Variants in C1QTNF7 observed in about 807,000 individuals in gnomAD.
C1QTNF7 encodes C1q and TNF related 7.
C1QTNF7 carries 15 observed loss-of-function variants against 19.6 expected under a neutral mutation model. That is an observed-to-expected ratio of 0.76 (90% CI 0.51 to 1.18). The LOEUF (loss-of-function observed/expected upper bound fraction) is 1.18, where lower values mean the gene tolerates loss of function less well. C1QTNF7 is among the 50% of genes most tolerant of loss of function. C1QTNF7 has a pLI of 0.00. For missense variants in C1QTNF7, 324 were observed against 359.7 expected (o/e 0.90, Z 0.80); for synonymous variants, 142 against 137.5 (o/e 1.03, Z -0.23).
chr4:15,438,920 T>C (rs1712640034), intron 2 of C1QTNF7, among the ~76,000 whole-genome samples: 1 of 152,186 alleles, frequency 6.6e-6, no homozygotes, highest in African/African-American at 2.4e-5. Flanking sequence ...TATGTATGCA[T>C]AGATCCACGG....
chr4:15,436,059 C>G, intron 2 of C1QTNF7, 78 bp downstream of exon 2: 1 of 1,532,824 alleles, frequency 6.5e-7, no homozygotes, highest in Non-Finnish European at 8.7e-7. Flanking sequence ...GTTACTTTTT[C>G]TAATGGGAAT....
chr4:15,345,871 G>T (rs1238894668), intron 1 of C1QTNF7, among the ~76,000 whole-genome samples: 1 of 152,130 alleles, frequency 6.6e-6, no homozygotes, highest in African/African-American at 2.4e-5. Context: ...CTATTGTTTA[G>T]ATGAGGAGAG....
chr4:15,383,744 T>G (rs1469627242), intron 1 of C1QTNF7, among the ~76,000 whole-genome samples: 1 of 152,186 alleles, frequency 6.6e-6, no homozygotes, highest in African/African-American at 2.4e-5. Flanking sequence ...TGTAGTATCT[T>G]TGGAAAGGGC....
At chr4:15,429,127 A>G (rs1364805431) in intron 1 of C1QTNF7, among the ~76,000 whole-genome samples, 1 of 152,222 alleles carries the variant, frequency 6.6e-6, no homozygotes, top group Non-Finnish European at 1.5e-5. Context: ...GTGTGAGGAT[A>G]AAGTAAAAGA....
intron 1 of C1QTNF7, among the ~76,000 whole-genome samples, chr4:15,386,397 G>A (rs1488154896): frequency 6.6e-6 from 1 of 152,064 alleles, no homozygotes; most frequent in African/African-American, 2.4e-5. Flanking sequence ...GTCCCTAATA[G>A]GCACCAGACA....
chr4:15,423,369 T>C (rs936321027), upstream of C1QTNF7, among the ~76,000 whole-genome samples: 6 of 152,166 alleles, frequency 3.9e-5, no homozygotes, highest in African/African-American at 7.2e-5. Flanking sequence ...CACACAGGGG[T>C]CAATGACATT....
intron 1 of C1QTNF7, chr4:15,420,137 C>G (rs1577272074): frequency 6.6e-6 from 1 of 152,522 alleles, no homozygotes; most frequent in Middle Eastern, 3.4e-3. Context: ...GGGCTCCACC[C>G]CCCATCCTTC....
chr4:15,339,794 C>A (rs1716476957), upstream of C1QTNF7: 1 of 231,720 alleles, frequency 4.3e-6, no homozygotes, highest in Non-Finnish European at 8.4e-6. Flanking sequence ...TCCTGCTTTT[C>A]ATTTGCCTCA....
intron 1 of C1QTNF7, among the ~76,000 whole-genome samples, chr4:15,394,089 A>G (rs962817597): frequency 6.6e-6 from 1 of 152,220 alleles, no homozygotes; most frequent in African/African-American, 2.4e-5. Flanking sequence ...TGAGTGAGAG[A>G]ATGAGCCTGT....
intron 1 of C1QTNF7, among the ~76,000 whole-genome samples, chr4:15,394,747 G>C (rs568658097): frequency 6.6e-6 from 1 of 152,196 alleles, no homozygotes; most frequent in South Asian, 2.1e-4. Context: ...TCACATTTTG[G>C]GGATCACAGG....
intron 1 of C1QTNF7, among the ~76,000 whole-genome samples, chr4:15,382,137 T>A (rs949238541): frequency 6.6e-6 from 1 of 152,192 alleles, no homozygotes; most frequent in African/African-American, 2.4e-5. Context: ...TGATGTGAAA[T>A]AAAGCCTTCA....
At chr4:15,434,786 G>A (rs549883253) in intron 1 of C1QTNF7, among the ~76,000 whole-genome samples, 3 of 152,294 alleles carry the variant, frequency 2.0e-5, no homozygotes, top group South Asian at 4.1e-4. Context: ...CCTGCTGCCT[G>A]CTTCACTTGG....
intron 1 of C1QTNF7, among the ~76,000 whole-genome samples, chr4:15,359,126 A>G (rs2109297022): frequency 6.6e-6 from 1 of 152,282 alleles, no homozygotes; most frequent in Admixed American, 6.5e-5. Flanking sequence ...GGCTAGGCAT[A>G]GGCATGAGGA....
At chr4:15,404,451 T>A (rs1325891214) in intron 1 of C1QTNF7, among the ~76,000 whole-genome samples, 1 of 152,218 alleles carries the variant, frequency 6.6e-6, no homozygotes, top group East Asian at 1.9e-4. Flanking sequence ...ATGGTGAAGG[T>A]TAAATGATGA....
At chr4:15,381,421 C>CAAA (rs11308911) in intron 1 of C1QTNF7, among the ~76,000 whole-genome samples, 29,302 of 126,196 alleles carry the variant, frequency 0.23, 3,473 homozygotes, top group East Asian at 0.31. Context: ...GACTCCATCT[C>CAAA]AAAAAAAAAA....
rs1712508791 is a variant in C1QTNF7 at position 15,435,802 on chromosome 4, G to A, written c.59G>A (p.Gly20Asp). The change falls in exon 2 of 3, where the codon GGT becomes GAT. Residue 20 changes from glycine (G) to aspartate (D), a missense_variant. By Grantham distance (94) the Gly-to-Asp change is moderately conservative. Coordinates refer to ENST00000444304, the MANE Select transcript of C1QTNF7 (RefSeq NM_031911.5). ...FAICASGQPR[G>D]NQLKGENYSP... Reference sequence around the variant, plus strand: ...ATTTGTGCCAGTGGACAACCCCGGGGTAATCAGTTGAAAGGAGAGAACTAC... The same window carrying A: ...ATTTGTGCCAGTGGACAACCCCGGGATAATCAGTTGAAAGGAGAGAACTAC... 3.1e-6 allele frequency: 5 copies of A among 1,614,100 alleles called. No homozygotes were observed. The highest frequency in any genetic ancestry group is 3.4e-6 in the Non-Finnish European group (4 of 1,180,024).
At chr4:15,436,577 A>G (rs554803341) in intron 2 of C1QTNF7, among the ~76,000 whole-genome samples, 1 of 152,360 alleles carries the variant, frequency 6.6e-6, no homozygotes, top group East Asian at 1.9e-4. Flanking sequence ...TCACTTTCCC[A>G]CCTGACACAT....
At chr4:15,370,335 C>T (rs187996692) in intron 1 of C1QTNF7, among the ~76,000 whole-genome samples, 8 of 152,314 alleles carry the variant, frequency 5.3e-5, no homozygotes, top group Non-Finnish European at 1.5e-5. Flanking sequence ...TCTAGGATCT[C>T]ACCCAGAAGT....
At chr4:15,367,154 G>A (rs1412030986) in intron 1 of C1QTNF7, among the ~76,000 whole-genome samples, 1 of 152,162 alleles carries the variant, frequency 6.6e-6, no homozygotes, top group Non-Finnish European at 1.5e-5. Flanking sequence ...GCATTTGAAT[G>A]TTTTCAATCC....
Sources: allele counts gnomAD v4.1 joint callset (sites outside exome capture counted in the v4.1 genomes callset), GRCh38; gene constraint gnomAD v4.1.1; transcripts MANE v1.5; gene names NCBI Gene and HGNC (gene_info 2026-07-23, HGNC 2026-07-21).